EHMT1: variants seen among roughly 807,000 people sequenced by gnomAD.
The protein encoded by EHMT1 is euchromatic histone lysine methyltransferase 1.
In EHMT1, 15 loss-of-function variants were observed where a neutral mutation model predicts 147.2. The observed-to-expected ratio is 0.10, with a 90% CI of 0.07 to 0.16. The LOEUF (loss-of-function observed/expected upper bound fraction) is 0.16, where lower values mean the gene tolerates loss of function less well. Ranked by LOEUF, EHMT1 falls within the 10% of genes least tolerant of loss-of-function variation. The pLI is 1.00. For synonymous variants in EHMT1, 795 were observed against 709.6 expected (o/e 1.12, Z -1.91); for missense variants, 1,587 against 1,772.4 (o/e 0.90, Z 1.88).
rs531803104 is a variant in EHMT1, at chr9:137,769,201, T to A, written c.1648-5908T>A. Among the ~76,000 whole-genome samples, 5 of 152,370 alleles carry A rather than the reference T, an allele frequency of 3.3e-5. No individual in the cohort carries two copies. The South Asian group carries it at 1.0e-3, about 32-fold the overall frequency. On this transcript the variant is annotated intron_variant, in intron 10 of 26. Coordinates refer to ENST00000460843, the MANE Select transcript of EHMT1 (RefSeq NM_024757.5). Reference sequence around the variant, plus strand: ...TAGGTCCTGTCTTGTATCTTGTTTCTGCGTTTTAATTTTATATATGCTAAA... The same window carrying A: ...TAGGTCCTGTCTTGTATCTTGTTTCAGCGTTTTAATTTTATATATGCTAAA...
chr9:137,721,909 C>G (rs2135635903), intron 3 of EHMT1, among the ~76,000 whole-genome samples: 1 of 152,046 alleles, frequency 6.6e-6, no homozygotes, highest in South Asian at 2.1e-4. Context: ...TATCAGTTTT[C>G]TCCTGTGGAT....
chr9:137,643,363 C>T lies in EHMT1; in HGVS notation c.21+24314C>T, dbSNP rs181736264. On this transcript the variant is annotated intron_variant, in intron 1 of 26. Transcript: ENST00000460843. ...TTTTTTTTTTTTTTTTTTTTTTAGA[C>T]AGAGTCTCACCCTCTCGCCCAGGCT... Among the ~76,000 whole-genome samples, 297 of 110,844 alleles carry T rather than the reference C, an allele frequency of 2.7e-3. 2 individuals are homozygous for T. The highest frequency in any genetic ancestry group is 3.3e-3 in the Admixed American group (28 of 8,592). The allele number at this position is 110,844 out of a possible 152,430, so 72.7% of individuals were successfully genotyped here.
chr9:137,624,839 T>G (rs895574435), intron 1 of EHMT1, among the ~76,000 whole-genome samples: 5 of 151,926 alleles, frequency 3.3e-5, no homozygotes, highest in African/African-American at 1.2e-4. Flanking sequence ...CCTGAAGTTC[T>G]GGGATTAAAG....
At chr9:137,682,107 G>A (rs1229281416) in intron 1 of EHMT1, among the ~76,000 whole-genome samples, 3 of 151,716 alleles carry the variant, frequency 2.0e-5, no homozygotes, top group South Asian at 2.1e-4. Flanking sequence ...CCCCCACCAC[G>A]CCCGCTCATT....
rs769021837 is a variant in EHMT1, at chr9:137,834,389, A to G, written c.3581A>G (p.Asn1194Ser). The G allele has an allele frequency of 1.2e-5, 19 of 1,613,138 alleles. No homozygotes were observed. The highest frequency in any genetic ancestry group is 1.6e-5 in the Non-Finnish European group (19 of 1,179,754). The change falls in exon 26 of 27, where the codon AAC (asparagine) becomes AGC (serine). Residue 1194 changes from asparagine to serine, a missense_variant. Physicochemically the swap from Asn to Ser is conservative, Grantham distance 46. Around this residue, in one of 7 missense-constraint regions of EHMT1, gnomAD observed 156 missense variants for 252.5 expected, o/e 0.62. Coordinates refer to ENST00000460843, the MANE Select transcript of EHMT1 (RefSeq NM_024757.5). ...TGCATCGACGCGCGGTTCTACGGGAACGTCAGCCGGTTCATCAACCACCAC... is the reference window on the plus strand; with the variant it reads ...TGCATCGACGCGCGGTTCTACGGGAGCGTCAGCCGGTTCATCAACCACCAC... ...VYCIDARFYG[N>S]VSRFINHHCE...
Position 137,835,140 on chromosome 9 carries a change from C to A in EHMT1, c.*187C>A. 1.6e-6 allele frequency: 1 copy of A among 620,706 alleles called. No homozygotes were observed. The highest frequency in any genetic ancestry group is 2.4e-6 in the Non-Finnish European group (1 of 411,736). 38.4% of individuals were successfully genotyped at this position (620,706 alleles called of 1,614,324 possible). Reference sequence around the variant, plus strand: ...TGTGGATGCCTCCCAGCCACCTTCCCAGACCTGCGGCCTCACCGCGGGCCC... The same window carrying A: ...TGTGGATGCCTCCCAGCCACCTTCCAAGACCTGCGGCCTCACCGCGGGCCC... On this transcript the variant is annotated 3_prime_UTR_variant, in exon 27 of 27. Transcript: ENST00000460843.
intron 1 of EHMT1, among the ~76,000 whole-genome samples, chr9:137,633,502 G>A (rs1013639109): frequency 1.3e-5 from 2 of 152,058 alleles, no homozygotes; most frequent in African/African-American, 4.8e-5. Flanking sequence ...TCTTCACACC[G>A]ATAGCTGTTG....
At chr9:137,743,220 T>C in intron 4 of EHMT1, 151 bp from the exon 5 acceptor site, 1 of 845,652 alleles carries the variant, frequency 1.2e-6, no homozygotes, top group East Asian at 2.7e-5. Flanking sequence ...GTCACTGTGC[T>C]GATGACCTGC....
chr9:137,709,353 T>C (rs1944500684), intron 1 of EHMT1, among the ~76,000 whole-genome samples: 1 of 152,126 alleles, frequency 6.6e-6, no homozygotes, highest in Non-Finnish European at 1.5e-5. Context: ...CTGCTGGCCC[T>C]GGCTTGGCAG....
intron 1 of EHMT1, among the ~76,000 whole-genome samples, chr9:137,685,948 T>TAGTC (rs112214743): frequency 0.32 from 48,540 of 151,818 alleles, 7,954 homozygotes; most frequent in Admixed American, 0.4. Flanking sequence ...TTCATTTATT[T>TAGTC]AGTCAGTCAG....
chr9:137,677,852 A>AT (rs1427870897), intron 1 of EHMT1, among the ~76,000 whole-genome samples: 2 of 151,346 alleles, frequency 1.3e-5, no homozygotes, highest in African/African-American at 4.9e-5. Flanking sequence ...AAGTCAGGAG[A>AT]TTGAGACCAT....
At chr9:137,722,689 C>T (rs1455251952) in intron 3 of EHMT1, among the ~76,000 whole-genome samples, 2 of 150,534 alleles carry the variant, frequency 1.3e-5, no homozygotes, top group Admixed American at 6.6e-5. Context: ...CCCCCCTGTG[C>T]CCCCGGTATG....
chr9:137,817,962 C>T (rs774191858), intron 24 of EHMT1, 98 bp from the exon 25 acceptor site: 78 of 1,150,044 alleles, frequency 6.8e-5, no homozygotes, highest in Non-Finnish European at 9.2e-5. Flanking sequence ...TTCTGGTGTG[C>T]CCTGCTCTTT....
intron 1 of EHMT1, among the ~76,000 whole-genome samples, chr9:137,691,241 A>G (rs935407279): frequency 1.3e-5 from 2 of 151,654 alleles, no homozygotes; most frequent in African/African-American, 4.8e-5. Flanking sequence ...AATGTCCTTA[A>G]GGTTCATCTG....
intron 26 of EHMT1, 101 bp downstream of exon 26, chr9:137,834,625 G>A: frequency 6.3e-7 from 1 of 1,596,220 alleles, no homozygotes; most frequent in Non-Finnish European, 8.5e-7. Flanking sequence ...GTTTATGCTA[G>A]TGGTTTTCCT....
chr9:137,794,473 C>T (rs1222383929), intron 16 of EHMT1, among the ~76,000 whole-genome samples: 4 of 151,872 alleles, frequency 2.6e-5, no homozygotes, highest in Non-Finnish European at 5.9e-5. Flanking sequence ...CATAGTGAGA[C>T]CCCATCTCTA....
intron 3 of EHMT1, among the ~76,000 whole-genome samples, chr9:137,724,810 C>T (rs926207711): frequency 2.6e-5 from 4 of 152,140 alleles, no homozygotes; most frequent in South Asian, 2.1e-4. Flanking sequence ...ATACAGCAGA[C>T]GTGTGGCATT....
At chr9:137,832,051 G>A (rs1349955851) in intron 25 of EHMT1, among the ~76,000 whole-genome samples, 2 of 150,980 alleles carry the variant, frequency 1.3e-5, no homozygotes, top group Non-Finnish European at 3.0e-5. Context: ...GATTGGCTGG[G>A]CTCCCTCCAC....
At chr9:137,635,853 G>A (rs982666929) in intron 1 of EHMT1, among the ~76,000 whole-genome samples, 3 of 151,714 alleles carry the variant, frequency 2.0e-5, no homozygotes, top group Non-Finnish European at 2.9e-5. Flanking sequence ...ATATTTTAAT[G>A]TATAAGTTTT....
Sources: allele counts gnomAD v4.1 joint callset (sites outside exome capture counted in the v4.1 genomes callset), GRCh38; gene constraint gnomAD v4.1.1; regional missense constraint gnomAD v4.1.1; transcripts MANE v1.5; gene names NCBI Gene and HGNC (gene_info 2026-07-23, HGNC 2026-07-21).